The following ABCG1 variants were observed in gnomAD, a reference collection of about 807,000 sequenced individuals.
The protein encoded by ABCG1 is ATP binding cassette subfamily G member 1, also known as ATP-binding cassette sub-family G member 1.
ABCG1 carries 29 observed loss-of-function variants against 69.2 expected under a neutral mutation model. The observed-to-expected ratio is 0.42, with a 90% CI of 0.31 to 0.57. The LOEUF (loss-of-function observed/expected upper bound fraction) is 0.57. Ranked by LOEUF, ABCG1 falls within the 20% of genes least tolerant of loss-of-function variation. ABCG1 has a pLI of 0.15. For synonymous variants in ABCG1, 370 were observed against 374.8 expected (o/e 0.99, Z 0.15); for missense variants, 718 against 898.1 (o/e 0.80, Z 2.56).
At chr21:42,232,067 C>T (rs2067909075) in intron 2 of ABCG1, among the ~76,000 whole-genome samples, 1 of 152,226 alleles carries the variant, frequency 6.6e-6, no homozygotes, top group African/African-American at 2.4e-5. Flanking sequence ...TGGGCTACCA[C>T]TCAGGCCCTG....
Position 42,220,047 on chromosome 21 carries a change from G to GT in ABCG1, c.42+744dup, listed in dbSNP as rs747715255. On this transcript the variant is annotated intron_variant, in intron 1 of 14. Coordinates refer to ENST00000398449, the MANE Select transcript of ABCG1 (RefSeq NM_016818.3). Reference sequence around the variant, plus strand: ...GAGTTCACTGCTGGACACAGTTACTGTAAGTGCTGTTTCCAGGGGTGGTCA... The same window carrying GT: ...GAGTTCACTGCTGGACACAGTTACTGTTAAGTGCTGTTTCCAGGGGTGGTCA... The GT allele has an allele frequency of 6.4e-6, 10 of 1,551,502 alleles. No homozygotes were observed. In the East Asian group the frequency reaches 9.8e-5, roughly 15 times the overall value.
chr21:42,243,203 A>G (rs2123606831), intron 2 of ABCG1, among the ~76,000 whole-genome samples: 1 of 152,264 alleles, frequency 6.6e-6, no homozygotes, highest in South Asian at 2.1e-4. Flanking sequence ...CAGCAGGGCC[A>G]GGTGGTGTCT....
In ABCG1 at chr21:42,288,367, A is replaced by C; in HGVS notation, c.1224+55A>C. On this transcript the variant is annotated intron_variant, in intron 10 of 14. Transcript: ENST00000398449. The surrounding 1 kb of genome is among the most constrained non-coding windows in gnomAD (Gnocchi z 4.8). ...TGGGGAACCCGTGGGTCATTTTCTC[A>C]GACTCGTCCTGACGGAATGTGTTCG... The C allele has an allele frequency of 2.3e-5, 31 of 1,321,666 alleles. No homozygotes were observed. The highest frequency in any genetic ancestry group is 3.2e-5 in the Non-Finnish European group (29 of 919,760). The allele number at this position is 1,321,666 out of a possible 1,614,324, so 81.9% of individuals were successfully genotyped here. A position where few individuals can be genotyped will look rare whatever the true frequency, so the allele number is the denominator to read the frequency against.
intron 2 of ABCG1, among the ~76,000 whole-genome samples, chr21:42,243,636 G>A (rs2068087673): frequency 6.6e-6 from 1 of 152,066 alleles, no homozygotes; most frequent in South Asian, 2.1e-4. Flanking sequence ...TGTAAAATCT[G>A]GAAAGACAGT....
rs368559813 is a variant in ABCG1 at position 42,202,614 on chromosome 21, T to C, written c.48+891T>C. On this transcript the variant is annotated intron_variant, in intron 2 of 15. Coordinates refer to the ABCG1 transcript ENST00000398457. ...CAACAGTCACAACAGTCTCTCTCCCTTTTTTTTTTTCGTTTGAGACAAGGT... is the reference window on the plus strand; with the variant it reads ...CAACAGTCACAACAGTCTCTCTCCCCTTTTTTTTTTCGTTTGAGACAAGGT... 8.6e-3 allele frequency among the ~76,000 whole-genome samples: 1,211 copies of C among 140,088 alleles called. 24 individuals carry two copies. Among genetic ancestry groups the C allele is most frequent in the African/African-American group, 0.03 (1,146 of 38,654 alleles). The allele number at this position is 140,088 out of a possible 152,430, so 91.9% of individuals were successfully genotyped here.
intron 2 of ABCG1, among the ~76,000 whole-genome samples, chr21:42,255,302 TATG>T (rs937370999): frequency 7.2e-5 from 11 of 152,082 alleles, no homozygotes; most frequent in African/African-American, 2.4e-4. Flanking sequence ...TGTGCCTACA[TATG>T]ATAGTGTGTA....
upstream of ABCG1, among the ~76,000 whole-genome samples, chr21:42,214,513 A>G (rs28435557): frequency 0.14 from 21,015 of 152,256 alleles, 1,720 homozygotes; most frequent in East Asian, 0.24. Flanking sequence ...CAGAAGGGAG[A>G]TCTCCAGGCC....
intron 2 of ABCG1, among the ~76,000 whole-genome samples, chr21:42,245,205 TC>T (rs2068113874): frequency 6.6e-6 from 1 of 152,122 alleles, no homozygotes; most frequent in South Asian, 2.1e-4. Context: ...AACTTCTGCA[TC>T]CGAGGACTTC....
At chr21:42,274,626 C>G (rs1053144768) in intron 4 of ABCG1, among the ~76,000 whole-genome samples, 2 of 152,168 alleles carry the variant, frequency 1.3e-5, no homozygotes, top group Admixed American at 6.5e-5. Context: ...AGGCGCCCAC[C>G]ACCATGCCCG....
At chr21:42,252,770 C>G (rs998110182) in intron 2 of ABCG1, among the ~76,000 whole-genome samples, 4 of 152,112 alleles carry the variant, frequency 2.6e-5, no homozygotes, top group African/African-American at 7.2e-5. Context: ...GAGCAACCAC[C>G]TCTTGGGTTT....
rs760014312 is a variant in ABCG1, at chr21:42,285,921, A to G, written c.900A>G (p.Lys300=). The stretch of plus-strand genomic sequence containing the variant: ...AAGGACAATGTGTGTACCGGGGAAA[A>G]GTCTGCAATCTTGTGCCATATTTGA... ...LSQGQCVYRG[K]VCNLVPYLRD... Residue 300 remains lysine, a synonymous_variant, in exon 8 of 15, where the codon AAA becomes AAG. Transcript: ENST00000398449. 4 of 1,613,912 alleles carry G rather than the reference A, an allele frequency of 2.5e-6. No individual in the cohort carries two copies. In the South Asian group the frequency reaches 4.4e-5, roughly 18 times the overall value.
chr21:42,290,929 G>A (rs186594873), intron 11 of ABCG1, among the ~76,000 whole-genome samples, 163 bp from the exon 12 acceptor site: 57 of 152,318 alleles, frequency 3.7e-4, no homozygotes, highest in Admixed American at 2.7e-3. Context: ...AACGGGTGGC[G>A]TTTTTCAGGC....
At chr21:42,268,382 T>C (rs2068553212) in intron 2 of ABCG1, among the ~76,000 whole-genome samples, 1 of 137,536 alleles carries the variant, frequency 7.3e-6, no homozygotes, top group African/African-American at 3.2e-5. Context: ...TGTGTGTGTG[T>C]GTGTGTGCGC....
chr21:42,284,834 C>G, intron 7 of ABCG1, 151 bp downstream of exon 7: 1 of 1,070,828 alleles, frequency 9.3e-7, no homozygotes, highest in Non-Finnish European at 1.3e-6. Flanking sequence ...TCTGTTAGCT[C>G]ATGGGGCATC....
chr21:42,214,154 A>T (rs1443266711), upstream of ABCG1, among the ~76,000 whole-genome samples: 3 of 152,108 alleles, frequency 2.0e-5, no homozygotes, highest in Non-Finnish European at 4.4e-5. Context: ...TGTGATTAAT[A>T]CTCTGATAGT....
chr21:42,203,931 T>C (rs1173185370), intron 2 of ABCG1, among the ~76,000 whole-genome samples: 1 of 152,246 alleles, frequency 6.6e-6, no homozygotes. Flanking sequence ...TTTATCAGGA[T>C]TTTGTAGGTT....
rs1272398886 is a variant in ABCG1, at chr21:42,285,909, G to A, written c.888G>A (p.Val296=). The A allele has an allele frequency of 6.2e-7, 1 of 1,613,976 alleles. No individual in the cohort carries two copies. The highest frequency in any genetic ancestry group is 2.2e-5 in the East Asian group (1 of 44,884). Residue 296 remains valine (V), a synonymous_variant, in exon 8 of 15, where the codon GTG becomes GTA. Coordinates refer to ENST00000398449, the MANE Select transcript of ABCG1 (RefSeq NM_016818.3). The stretch of plus-strand genomic sequence containing the variant: ...ACGTCCTGAGTCAAGGACAATGTGT[G>A]TACCGGGGAAAAGTCTGCAATCTTG... ...QLYVLSQGQC[V]YRGKVCNLVP... is the part of the protein sequence containing the mutation.
chr21:42,256,684 A>T, intron 2 of ABCG1: 1 of 1,440,340 alleles, frequency 6.9e-7, no homozygotes, highest in Non-Finnish European at 9.1e-7. Context: ...CCAGAGACTG[A>T]TGGCTTCTCT....
intron 3 of ABCG1, among the ~76,000 whole-genome samples, chr21:42,271,617 C>T (rs1422533748): frequency 2.0e-5 from 3 of 152,216 alleles, no homozygotes; most frequent in Middle Eastern, 3.4e-3. Flanking sequence ...TGTGGTGGCT[C>T]GCACCTGCAA....
Sources: gnomAD v4.1 joint callset for allele counts (sites outside exome capture counted in the v4.1 genomes callset) on GRCh38, gnomAD v4.1.1 for gene constraint, Gnocchi (gnomAD v3.1) non-coding constraint, MANE v1.5 for transcripts, NCBI Gene and HGNC (gene_info 2026-07-23, HGNC 2026-07-21) for gene names.